DPP10: variants seen among roughly 807,000 people sequenced by gnomAD.
DPP10 encodes the protein inactive dipeptidyl peptidase 10.
In DPP10, 33 loss-of-function variants were observed where a neutral mutation model predicts 120.9. The ratio of observed to expected loss-of-function variants is 0.27; its 90% CI spans 0.21 to 0.37. The LOEUF is 0.37. Among genes scored for constraint, DPP10 ranks in the 10% least tolerant of loss-of-function variants. The probability of loss-of-function intolerance (pLI) is 1.00; values close to 1 mark genes in which losing one functional copy is unlikely to be tolerated. For synonymous variants in DPP10, 337 were observed against 326.1 expected (o/e 1.03, Z -0.36); for missense variants, 816 against 942.8 (o/e 0.87, Z 1.76).
intron 21 of DPP10, among the ~76,000 whole-genome samples, chr2:115,832,291 C>G (rs1340433277): frequency 6.6e-6 from 1 of 152,140 alleles, no homozygotes; most frequent in Non-Finnish European, 1.5e-5. Flanking sequence ...GAGTTCAAGA[C>G]CAGCCTGGGC....
intron 1 of DPP10, among the ~76,000 whole-genome samples, chr2:115,059,685 GAA>G (rs34515129): frequency 1.7e-5 from 2 of 116,344 alleles, no homozygotes; most frequent in Non-Finnish European, 3.4e-5. Context: ...ACCTCAACAG[GAA>G]AAAAAAAAAA....
At chr2:115,603,952 A>G (rs1291598827) in intron 5 of DPP10, among the ~76,000 whole-genome samples, 2 of 152,126 alleles carry the variant, frequency 1.3e-5, no homozygotes, top group Non-Finnish European at 2.9e-5. Flanking sequence ...AAAGACATAC[A>G]TTTCAACCAA....
At chr2:114,511,292 G>A (rs1262439299) in intron 1 of DPP10, among the ~76,000 whole-genome samples, 1 of 152,130 alleles carries the variant, frequency 6.6e-6, no homozygotes, top group African/African-American at 2.4e-5. Context: ...TAAAATCAAT[G>A]TGACTCCAAG....
chr2:114,468,203 T>G (rs1679580430), intron 1 of DPP10, among the ~76,000 whole-genome samples: 1 of 151,916 alleles, frequency 6.6e-6, no homozygotes, highest in Non-Finnish European at 1.5e-5. Context: ...CTTTCTAAGG[T>G]CCAAGGCTAG....
chr2:115,774,209 TACACACAC>T lies in DPP10; in HGVS notation c.1222-2974_1222-2967del, dbSNP rs3069387. Among the ~76,000 whole-genome samples the T allele has an allele frequency of 5.4e-5, 8 of 147,632 alleles. No homozygotes were observed. In the East Asian group the frequency reaches 1.6e-3, roughly 30 times the overall value. On this transcript the variant is annotated intron_variant, in intron 13 of 25. Coordinates refer to ENST00000410059, the MANE Select transcript of DPP10 (RefSeq NM_020868.6). ...ATCTCATTTGTCTTTAAAACACACA[TACACACAC>T]ACACACACACACACACACACACACC...
intron 1 of DPP10, among the ~76,000 whole-genome samples, chr2:115,090,963 G>T (rs891086009): frequency 6.6e-6 from 1 of 152,164 alleles, no homozygotes; most frequent in Non-Finnish European, 1.5e-5. Flanking sequence ...GGCTGATACC[G>T]TTTAGATTTA....
At chr2:115,649,608 A>T (rs1361231797) in intron 5 of DPP10, among the ~76,000 whole-genome samples, 2 of 152,064 alleles carry the variant, frequency 1.3e-5, no homozygotes, top group African/African-American at 4.8e-5. Flanking sequence ...TTTGGGGTTA[A>T]TGTTTTGTTT....
At chr2:115,156,815 C>G (rs981171782) in intron 1 of DPP10, among the ~76,000 whole-genome samples, 4 of 152,180 alleles carry the variant, frequency 2.6e-5, no homozygotes, top group Non-Finnish European at 5.9e-5. Context: ...TTTCTAAATA[C>G]TCCTCCATAC....
intron 3 of DPP10, among the ~76,000 whole-genome samples, chr2:115,484,772 G>C (rs574657187): frequency 6.6e-6 from 1 of 152,070 alleles, no homozygotes; most frequent in Non-Finnish European, 1.5e-5. Context: ...CAGCCAGTTC[G>C]GGAGGTAATC....
intron 5 of DPP10, among the ~76,000 whole-genome samples, chr2:115,550,740 A>G (rs74370143): frequency 1.6e-3 from 243 of 152,234 alleles, no homozygotes; most frequent in African/African-American, 5.1e-3. Flanking sequence ...TGAAATTCTC[A>G]TGGCCTGGTA....
intron 1 of DPP10, among the ~76,000 whole-genome samples, chr2:114,651,512 A>G (rs1696579764): frequency 6.6e-6 from 1 of 152,158 alleles, no homozygotes; most frequent in African/African-American, 2.4e-5. Context: ...ATGGAGCCCA[A>G]GAATTTGCAT....
chr2:115,837,107 A>G (rs918477254), intron 24 of DPP10, among the ~76,000 whole-genome samples: 1 of 152,326 alleles, frequency 6.6e-6, no homozygotes, highest in African/African-American at 2.4e-5. Flanking sequence ...TCTAGTGACT[A>G]TGGTTACAGT....
intron 1 of DPP10, among the ~76,000 whole-genome samples, chr2:114,778,214 T>C (rs1263767929): frequency 6.6e-6 from 1 of 152,124 alleles, no homozygotes; most frequent in Admixed American, 6.5e-5. Flanking sequence ...CACTTACAGA[T>C]AGACTGAGTC....
intron 1 of DPP10, among the ~76,000 whole-genome samples, chr2:114,533,470 G>A (rs2104753700): frequency 6.6e-6 from 1 of 152,118 alleles, no homozygotes; most frequent in African/African-American, 2.4e-5. Context: ...TGGGTGGTGG[G>A]GTAGGCAGAG....
At chr2:114,653,027 A>AGAGAGAGT (rs1553476958) in intron 1 of DPP10, among the ~76,000 whole-genome samples, 2 of 135,774 alleles carry the variant, frequency 1.5e-5, no homozygotes, top group African/African-American at 6.2e-5. Flanking sequence ...AGAGAGAGAG[A>AGAGAGAGT]GTGTGTGTGT....
rs75550111 is a variant in DPP10 at position 115,735,305 on chromosome 2, C to T, written c.698-4434C>T. Among the ~76,000 whole-genome samples the T allele has an allele frequency of 6.5e-3, 996 of 152,132 alleles. 10 individuals carry two copies. Among genetic ancestry groups the T allele is most frequent in the African/African-American group, 0.021 (856 of 41,496 alleles). ...TATATCTGAAATCTGTAAACATAGCCACCACTTGTATTTTTCATAGAAGGT... is the reference window on the plus strand; with the variant it reads ...TATATCTGAAATCTGTAAACATAGCTACCACTTGTATTTTTCATAGAAGGT... On this transcript the variant is annotated intron_variant, in intron 8 of 25. Coordinates refer to ENST00000410059, the MANE Select transcript of DPP10 (RefSeq NM_020868.6).
chr2:115,776,811 T>C (rs1682156442), intron 13 of DPP10, among the ~76,000 whole-genome samples: 1 of 151,946 alleles, frequency 6.6e-6, no homozygotes, highest in East Asian at 1.9e-4. Context: ...CTGCAAAGGT[T>C]AAAATGAATA....
intron 3 of DPP10, among the ~76,000 whole-genome samples, chr2:115,352,953 C>G (rs961025875): frequency 6.6e-6 from 1 of 151,798 alleles, no homozygotes; most frequent in African/African-American, 2.4e-5. Flanking sequence ...TTGATACAGT[C>G]TTCACTTACA....
In DPP10 at chr2:115,461,285, G is replaced by C. The variant is rs184361389; in HGVS notation, c.272-38225G>C. Among the ~76,000 whole-genome samples the C allele has an allele frequency of 1.4e-3, 219 of 152,056 alleles. 1 individual carries two copies. Among genetic ancestry groups the C allele is most frequent in the Non-Finnish European group, 2.6e-3 (175 of 67,980 alleles). ...GGCAGAGATGTTCTATGTTTTGATT[G>C]TGATGGTGGTTATATGCTTGTATAT... On this transcript the variant is annotated intron_variant, in intron 3 of 25. Transcript: ENST00000410059.
Sources: allele counts gnomAD v4.1 joint callset (sites outside exome capture counted in the v4.1 genomes callset), GRCh38; gene constraint gnomAD v4.1.1; transcripts MANE v1.5; gene names NCBI Gene and HGNC (gene_info 2026-07-23, HGNC 2026-07-21).